Variants in FBXO38 observed in about 807,000 individuals in gnomAD.
FBXO38 encodes the protein F-box only protein 38.
A neutral mutation model predicts 131.9 loss-of-function variants in FBXO38; 53 were observed. That is an observed-to-expected ratio of 0.40 (90% CI 0.32 to 0.51). The LOEUF (loss-of-function observed/expected upper bound fraction) is 0.51. Ranked by LOEUF, FBXO38 falls within the 20% of genes least tolerant of loss-of-function variation. FBXO38 has a pLI of 0.53. For synonymous variants in FBXO38, 452 were observed against 505.6 expected, an observed-to-expected ratio of 0.89 and a Z score of 1.42; for missense variants, 1,076 against 1,475.6, an observed-to-expected ratio of 0.73 and a Z score of 4.44.
chr5:148,388,590 GACA>G (rs1431250836), intron 1 of FBXO38, among the ~76,000 whole-genome samples: 1 of 152,330 alleles, frequency 6.6e-6, no homozygotes, highest in East Asian at 1.9e-4. Flanking sequence ...CCGCTATGGA[GACA>G]ACGTCTTTCC....
Position 148,441,851 on chromosome 5 carries a change from A to T in FBXO38, c.3389-118A>T, listed in dbSNP as rs1401473898. 4.2e-6 allele frequency: 3 copies of T among 720,028 alleles called. No homozygotes were observed. In the East Asian group the frequency reaches 8.6e-5, roughly 21 times the overall value. 44.6% of individuals were successfully genotyped at this position (720,028 alleles called of 1,614,324 possible). ...TGGTGACCCATTCCTTGACCTATTC[A>T]TGCATCAGTTACATTATAGTGCAGT... is the stretch of plus-strand genomic sequence containing the variant. On this transcript the variant is annotated intron_variant, in intron 21 of 21. Transcript: ENST00000340253.
rs754767072 is a variant in FBXO38, at chr5:148,427,216, G to A, written c.1922G>A (p.Ser641Asn). ...ESVQSRELSVSGKGKTPLRKR... is the reference protein window; with the variant it reads ...ESVQSRELSVNGKGKTPLRKR... ...GTTCTTCTTTTTCTATAAGCAGTAA[G>A]TGGAAAAGGCAAGACTCCACTTCGA... Residue 641 changes from serine to asparagine, a missense_variant, in exon 15 of 22, where the codon AGT becomes AAT. Transcript: ENST00000340253. 30 of 1,580,584 alleles carry A rather than the reference G, an allele frequency of 1.9e-5. No homozygotes were observed. In the South Asian group the frequency reaches 3.2e-4, roughly 17 times the overall value.
chr5:148,398,404 C>T (rs192504043), intron 2 of FBXO38, among the ~76,000 whole-genome samples: 13 of 148,506 alleles, frequency 8.8e-5, no homozygotes, highest in African/African-American at 2.5e-4. Context: ...TAATACTTTA[C>T]GCAATACTTT....
At chr5:148,408,735 A>G (rs1329590967) in intron 7 of FBXO38, among the ~76,000 whole-genome samples, 7 of 152,246 alleles carry the variant, frequency 4.6e-5, no homozygotes, top group Non-Finnish European at 4.4e-5. Context: ...TTTCAGAAAC[A>G]TTAAAAAAAT....
At chr5:148,393,874 A>G (rs908331388) in intron 1 of FBXO38, among the ~76,000 whole-genome samples, 3 of 152,138 alleles carry the variant, frequency 2.0e-5, no homozygotes, top group Non-Finnish European at 4.4e-5. Flanking sequence ...CAATTTGACA[A>G]TCAAGGTGTT....
intron 15 of FBXO38, among the ~76,000 whole-genome samples, chr5:148,428,187 A>G (rs1465571078): frequency 3.9e-5 from 6 of 152,234 alleles, no homozygotes; most frequent in African/African-American, 1.4e-4. Flanking sequence ...GGAAAATGTC[A>G]TTGTGTATAT....
Position 148,438,371 on chromosome 5 carries a change from A to T in FBXO38, c.2897A>T (p.Asn966Ile), listed in dbSNP as rs780978880. 1 of 1,613,996 alleles carries T rather than the reference A, an allele frequency of 6.2e-7. No individual in the cohort carries two copies. The highest frequency in any genetic ancestry group is 8.5e-7 in the Non-Finnish European group (1 of 1,179,898). Residue 966 changes from asparagine to isoleucine, a missense_variant, in exon 18 of 22, where the codon AAT (asparagine) becomes ATT (isoleucine). Asn to Ile is a moderately radical substitution (Grantham distance 149). Transcript: ENST00000340253. ...CRVLKHLKVE[N>I]APIVNRFDYA... ...GTACTAAAACATTTAAAGGTAGAAAATGCACCAATTGTAAACCGATTTGAC... is the reference window on the plus strand; with the variant it reads ...GTACTAAAACATTTAAAGGTAGAAATTGCACCAATTGTAAACCGATTTGAC...
chr5:148,416,810 C>G, intron 11 of FBXO38, 184 bp from the exon 12 acceptor site: 1 of 576,774 alleles, frequency 1.7e-6, no homozygotes, highest in Non-Finnish European at 3.1e-6. Flanking sequence ...GCCAGTAACC[C>G]TTTATCTATC....
chr5:148,425,131 T>G (rs1429204908), intron 13 of FBXO38, among the ~76,000 whole-genome samples: 1 of 152,224 alleles, frequency 6.6e-6, no homozygotes, highest in African/African-American at 2.4e-5. Flanking sequence ...TAGCCTTGGC[T>G]CATATGTTTG....
At chr5:148,422,039 A>G (rs1449787337) in intron 12 of FBXO38, among the ~76,000 whole-genome samples, 1 of 144,356 alleles carries the variant, frequency 6.9e-6, no homozygotes, top group Non-Finnish European at 1.5e-5. Flanking sequence ...ACTACATCAG[A>G]CCTTTCTCTT....
chr5:148,412,342 C>A (rs889256743), intron 9 of FBXO38, among the ~76,000 whole-genome samples: 1 of 152,124 alleles, frequency 6.6e-6, no homozygotes, highest in African/African-American at 2.4e-5. Context: ...TGCTCACTCA[C>A]ACTCTCTCAC....
intron 2 of FBXO38, 22 bp from the exon 3 acceptor site, chr5:148,398,977 C>T (rs369795857): frequency 1.7e-5 from 27 of 1,611,918 alleles, no homozygotes; most frequent in African/African-American, 4.0e-5. Context: ...TTGATAAATA[C>T]GAGTTTCTTT....
At chr5:148,393,188 G>GTTGTGTGT (rs1554077288) in intron 1 of FBXO38, among the ~76,000 whole-genome samples, 3 of 127,036 alleles carry the variant, frequency 2.4e-5, no homozygotes, top group East Asian at 2.4e-4. Context: ...ACAGAAGAGG[G>GTTGTGTGT]GTGTGTGTGT....
chr5:148,399,304 C>CAA, intron 3 of FBXO38, 172 bp downstream of exon 3: 5 of 661,584 alleles, frequency 7.6e-6, no homozygotes, highest in Non-Finnish European at 1.3e-5. Context: ...ATGCGTTTTA[C>CAA]CTGAGGCTTT....
At chr5:148,399,209 G>C (rs1218505001) in intron 3 of FBXO38, 77 bp downstream of exon 3, 3 of 1,531,626 alleles carry the variant, frequency 2.0e-6, no homozygotes, top group Non-Finnish European at 1.8e-6. Context: ...AAAGTTACTT[G>C]TTGTCTTGAG....
intron 5 of FBXO38, among the ~76,000 whole-genome samples, chr5:148,403,345 A>T (rs537488132): frequency 6.6e-6 from 1 of 152,240 alleles, no homozygotes; most frequent in Non-Finnish European, 1.5e-5. Context: ...GTAAATTAAT[A>T]AAAATAAACA....
Position 148,425,595 on chromosome 5 carries a change from A to G in FBXO38, c.1812A>G (p.Glu604=). The G allele has an allele frequency of 6.2e-7, 1 of 1,613,758 alleles. No homozygotes were observed. Among genetic ancestry groups the G allele is most frequent in the Non-Finnish European group, 8.5e-7 (1 of 1,179,648 alleles). ...TVHDSESDDE[E]DSLELQEVWI... is the part of the protein sequence containing the mutation. Reference sequence around the variant, plus strand: ...ATGATTCAGAGAGTGATGATGAAGAAGATAGTCTAGAACTCCAAGAAGTCT... The same window carrying G: ...ATGATTCAGAGAGTGATGATGAAGAGGATAGTCTAGAACTCCAAGAAGTCT... Residue 604 remains glutamate (E), a synonymous_variant, in exon 14 of 22, where the codon GAA becomes GAG. Coordinates refer to ENST00000340253, the MANE Select transcript of FBXO38 (RefSeq NM_205836.3).
intron 7 of FBXO38, among the ~76,000 whole-genome samples, chr5:148,407,889 C>CA (rs1359633738): frequency 1.3e-5 from 2 of 151,632 alleles, no homozygotes; most frequent in African/African-American, 4.9e-5. Context: ...CGCACCACTG[C>CA]ACTCCAGCCT....
chr5:148,423,248 C>T (rs760975685), intron 12 of FBXO38, among the ~76,000 whole-genome samples: 6 of 152,142 alleles, frequency 3.9e-5, no homozygotes, highest in Non-Finnish European at 1.5e-5. Flanking sequence ...GCTCATAGTT[C>T]CTGTAGTGCA....
Sources: allele counts gnomAD v4.1 joint callset (sites outside exome capture counted in the v4.1 genomes callset), GRCh38; gene constraint gnomAD v4.1.1; transcripts MANE v1.5; gene names NCBI Gene and HGNC (gene_info 2026-07-23, HGNC 2026-07-21).